ATL2: variants seen among roughly 807,000 people sequenced by gnomAD.
ATL2 encodes the protein atlastin GTPase 2.
In ATL2, 31 loss-of-function variants were observed where a neutral mutation model predicts 73.9. The ratio of observed to expected loss-of-function variants is 0.42; its 90% CI spans 0.32 to 0.57. The LOEUF (loss-of-function observed/expected upper bound fraction) is 0.57, where lower values mean the gene tolerates loss of function less well. Ranked by LOEUF, ATL2 falls within the 20% of genes least tolerant of loss-of-function variation. ATL2 has a pLI of 0.14. For synonymous variants in ATL2, 291 were observed against 237.5 expected (o/e 1.23, Z -2.07); for missense variants, 738 against 702.6 (o/e 1.05, Z -0.57).
At chr2:38,377,836 A>C (rs1318822087), upstream of ATL2, among the ~76,000 whole-genome samples, 1 of 135,982 alleles carries the variant, frequency 7.4e-6, no homozygotes, top group Non-Finnish European at 1.5e-5. Flanking sequence ...TTCCTCACCC[A>C]AGTCCCTACT....
chr2:38,306,798 T>C (rs1325302038), intron 9 of ATL2, among the ~76,000 whole-genome samples: 1 of 152,154 alleles, frequency 6.6e-6, no homozygotes, highest in Non-Finnish European at 1.5e-5. Flanking sequence ...CTTACTGAAC[T>C]GGGAAAAAAT....
At chr2:38,365,375 C>G (rs1430229069) in intron 1 of ATL2, among the ~76,000 whole-genome samples, 1 of 152,110 alleles carries the variant, frequency 6.6e-6, no homozygotes, top group Non-Finnish European at 1.5e-5. Flanking sequence ...AAAGAGAAGG[C>G]CGGGCACAGT....
chr2:38,333,508 G>C (rs1669123148), intron 2 of ATL2, among the ~76,000 whole-genome samples: 1 of 152,196 alleles, frequency 6.6e-6, no homozygotes, highest in Non-Finnish European at 1.5e-5. Flanking sequence ...ATGAGTAACA[G>C]TTTGTTGCTT....
intron 1 of ATL2, among the ~76,000 whole-genome samples, chr2:38,354,731 A>C (rs1329212820): frequency 6.6e-6 from 1 of 152,090 alleles, no homozygotes; most frequent in African/African-American, 2.4e-5. Flanking sequence ...CTCTACTAAA[A>C]ATACAAAAAT....
At chr2:38,370,750 A>G (rs1207782498) in intron 1 of ATL2, among the ~76,000 whole-genome samples, 1 of 151,876 alleles carries the variant, frequency 6.6e-6, no homozygotes, top group Non-Finnish European at 1.5e-5. Context: ...TGAGTGACAG[A>G]GCAAGACTCG....
chr2:38,370,219 C>A (rs369148096), intron 1 of ATL2, among the ~76,000 whole-genome samples: 1 of 148,008 alleles, frequency 6.8e-6, no homozygotes, highest in African/African-American at 2.5e-5. Flanking sequence ...AATCCCAGCA[C>A]TTTGGGGGCC....
intron 4 of ATL2, among the ~76,000 whole-genome samples, chr2:38,315,757 T>C (rs1022682423): frequency 3.3e-5 from 5 of 152,194 alleles, no homozygotes; most frequent in African/African-American, 9.7e-5. Flanking sequence ...AATTCTTCCC[T>C]GGTACAATCA....
In ATL2 at chr2:38,294,441, A is replaced by C. The variant is rs1477729140; in HGVS notation, c.*1553T>G. ...CACGCACCTGTAGTCCCAGCTACTC[A>C]GGAGGCTGAGGCGGGAGAATCACTT... On this transcript the variant is annotated 3_prime_UTR_variant, in exon 13 of 13. Coordinates refer to ENST00000378954, the MANE Select transcript of ATL2 (RefSeq NM_001135673.4). 6.6e-6 allele frequency among the ~76,000 whole-genome samples: 1 copy of C among 152,146 alleles called. No individual in the cohort carries two copies. The highest frequency in any genetic ancestry group is 1.5e-5 in the Non-Finnish European group (1 of 68,022).
intron 7 of ATL2, among the ~76,000 whole-genome samples, chr2:38,312,067 A>C (rs1220021306): frequency 6.6e-6 from 1 of 152,210 alleles, no homozygotes; most frequent in Non-Finnish European, 1.5e-5. Flanking sequence ...GAGAAACCAA[A>C]TGCATCATTC....
chr2:38,374,101 G>A (rs902330025), intron 1 of ATL2, among the ~76,000 whole-genome samples: 2 of 152,122 alleles, frequency 1.3e-5, no homozygotes, highest in Admixed American at 6.6e-5. Flanking sequence ...ATGTTGGTCA[G>A]GCTGGTCTCG....
chr2:38,359,979 A>C (rs1443783164), intron 1 of ATL2, among the ~76,000 whole-genome samples: 2 of 151,884 alleles, frequency 1.3e-5, no homozygotes, highest in East Asian at 3.9e-4. Context: ...AATACCAAAA[A>C]AATAGCTGGG....
intron 1 of ATL2, among the ~76,000 whole-genome samples, chr2:38,348,834 C>G (rs1670175164): frequency 6.6e-6 from 1 of 152,002 alleles, no homozygotes; most frequent in Non-Finnish European, 1.5e-5. Context: ...AAGAAAAAAA[C>G]AAACAACCCC....
chr2:38,322,851 C>A lies in ATL2; in HGVS notation c.364-3832G>T, dbSNP rs112794891. On this transcript the variant is annotated intron_variant, in intron 2 of 12. Transcript: ENST00000378954. ...CTATGATGATGCCACCACACTCCAG[C>A]CTGGATGACAGAGTGAGAGACCCTG... Among the ~76,000 whole-genome samples, 518 of 152,240 alleles carry A rather than the reference C, an allele frequency of 3.4e-3. 8 individuals carry two copies. Among genetic ancestry groups the A allele is most frequent in the African/African-American group, 0.012 (486 of 41,538 alleles).
chr2:38,367,976 C>T (rs993647067), intron 1 of ATL2, among the ~76,000 whole-genome samples: 12 of 151,564 alleles, frequency 7.9e-5, no homozygotes, highest in African/African-American at 2.7e-4. Flanking sequence ...GCTCTCTCTC[C>T]CAGTCTGGAG....
At chr2:38,325,284 A>C (rs1668535031) in intron 2 of ATL2, among the ~76,000 whole-genome samples, 1 of 152,192 alleles carries the variant, frequency 6.6e-6, no homozygotes. Context: ...TTGAGATCAC[A>C]GGTCAAACCA....
chr2:38,327,980 C>G (rs1212711381), intron 2 of ATL2, among the ~76,000 whole-genome samples: 1 of 152,072 alleles, frequency 6.6e-6, no homozygotes, highest in East Asian at 1.9e-4. Flanking sequence ...ATAGAGCCAA[C>G]TATATGCTAT....
chr2:38,370,895 T>C (rs533005498), intron 1 of ATL2, among the ~76,000 whole-genome samples: 110 of 151,534 alleles, frequency 7.3e-4, no homozygotes, highest in Non-Finnish European at 1.3e-3. Context: ...AAGTTCAAGG[T>C]TGCAGCGAGC....
intron 9 of ATL2, among the ~76,000 whole-genome samples, chr2:38,306,659 A>AT (rs1667464948): frequency 1.3e-5 from 2 of 152,212 alleles, no homozygotes; most frequent in South Asian, 4.1e-4. Context: ...CCATATGACC[A>AT]TTTCAATTGA....
At chr2:38,348,557 G>C (rs1402429253) in intron 1 of ATL2, among the ~76,000 whole-genome samples, 4 of 151,828 alleles carry the variant, frequency 2.6e-5, no homozygotes, top group Non-Finnish European at 5.9e-5. Flanking sequence ...CAAGTGTGGA[G>C]GTTGGTGATT....
Sources: gnomAD v4.1 joint callset for allele counts (sites outside exome capture counted in the v4.1 genomes callset) on GRCh38, gnomAD v4.1.1 for gene constraint, MANE v1.5 for transcripts, NCBI Gene and HGNC (gene_info 2026-07-23, HGNC 2026-07-21) for gene names.